CDCA8: variants seen among roughly 807,000 people sequenced by gnomAD.
The protein encoded by CDCA8 is borealin.
In CDCA8, 25 loss-of-function variants were observed where a neutral mutation model predicts 40.0. The observed-to-expected ratio is 0.63, with a 90% CI of 0.46 to 0.87. The LOEUF (loss-of-function observed/expected upper bound fraction) is 0.87, where lower values mean the gene tolerates loss of function less well. CDCA8 is among the 40% of genes least tolerant of loss of function. The pLI, the probability that CDCA8 is intolerant of heterozygous loss-of-function variation, is 0.00. For missense variants in CDCA8, 280 were observed against 348.4 expected, an observed-to-expected ratio of 0.80 and a Z score of 1.56; for synonymous variants, 111 against 126.5, an observed-to-expected ratio of 0.88 and a Z score of 0.82.
intron 7 of CDCA8, 148 bp from the exon 8 acceptor site, chr1:37,705,293 A>T: frequency 9.7e-6 from 6 of 617,590 alleles, no homozygotes; most frequent in South Asian, 6.9e-5. Context: ...GCTTTAAAAC[A>T]TTTTTTTTTT....
Position 37,708,554 on chromosome 1 carries a change from T to A in CDCA8, c.*188T>A. The A allele has an allele frequency of 3.3e-6, 2 of 598,696 alleles. No individual in the cohort carries two copies. Among genetic ancestry groups the A allele is most frequent in the South Asian group, 3.9e-5 (2 of 51,736 alleles). The allele number at this position is 598,696 out of a possible 1,614,324, so 37.1% of individuals were successfully genotyped here. The stretch of plus-strand genomic sequence containing the variant: ...GTAGAGCTGTCTGTTCACCCTCCCA[T>A]CCCAGCTGATCCCAGTCACTGCTTG... On this transcript the variant is annotated 3_prime_UTR_variant, in exon 10 of 10. Transcript: ENST00000373055.
chr1:37,706,884 C>T lies in CDCA8; in HGVS notation c.712-94C>T, dbSNP rs1199254524. On this transcript the variant is annotated intron_variant, in intron 8 of 9. Coordinates refer to ENST00000373055, the MANE Select transcript of CDCA8 (RefSeq NM_001256875.2). ...TGTCTTGCCACTTCTCCATCCCAGCCATTCCCCACCACTAAGTGCAGGATA... is the reference window on the plus strand; with the variant it reads ...TGTCTTGCCACTTCTCCATCCCAGCTATTCCCCACCACTAAGTGCAGGATA... The T allele has an allele frequency of 4.5e-6, 4 of 888,192 alleles. No individual in the cohort carries two copies. In the African/African-American group the frequency reaches 6.7e-5, roughly 15 times the overall value. 55.0% of individuals were successfully genotyped at this position (888,192 alleles called of 1,614,324 possible). A position where few individuals can be genotyped will look rare whatever the true frequency, so the allele number is the denominator to read the frequency against.
rs1645522521 is a variant in CDCA8 at position 37,695,842 on chromosome 1, A to C, written c.224-68A>C. ...AGGGCTGGACCAGTTTTAGAAAGATAAATGGTACTATTAGGCAAGATGATT... is the reference window on the plus strand; with the variant it reads ...AGGGCTGGACCAGTTTTAGAAAGATCAATGGTACTATTAGGCAAGATGATT... On this transcript the variant is annotated intron_variant, in intron 2 of 9. Transcript: ENST00000373055. The C allele has an allele frequency of 2.8e-6, 4 of 1,418,282 alleles. No homozygotes were observed. The South Asian group carries it at 3.5e-5, about 12-fold the overall frequency. The allele number at this position is 1,418,282 out of a possible 1,614,324, so 87.9% of individuals were successfully genotyped here. A position where few individuals can be genotyped will look rare whatever the true frequency, so the allele number is the denominator to read the frequency against.
intron 5 of CDCA8, among the ~76,000 whole-genome samples, chr1:37,701,022 G>C (rs1645559320): frequency 6.6e-6 from 1 of 152,212 alleles, no homozygotes; most frequent in Non-Finnish European, 1.5e-5. Flanking sequence ...GTGGCAGAGG[G>C]TGCTGGACTG....
Position 37,705,529 on chromosome 1 carries a change from A to G in CDCA8, c.673A>G (p.Lys225Glu), listed in dbSNP as rs779449327. Residue 225 changes from lysine (K) to glutamate (E), a missense_variant, in exon 8 of 10, where the codon AAA (lysine) becomes GAA (glutamate). Transcript: ENST00000373055. ...GAATGGCAGCCCTCTTGCTGACAGC[A>G]AAGAGATCTTCCTCACTGTGCCAGT... ...SGNGSPLADSKEIFLTVPVGG... is the reference protein window; with the variant it reads ...SGNGSPLADSEEIFLTVPVGG... 1.2e-6 allele frequency: 2 copies of G among 1,613,846 alleles called. No individual in the cohort carries two copies. The highest frequency in any genetic ancestry group is 8.5e-7 in the Non-Finnish European group (1 of 1,180,026).
intron 3 of CDCA8, 141 bp from the exon 4 acceptor site, chr1:37,698,764 T>G: frequency 1.7e-6 from 1 of 601,864 alleles, no homozygotes; most frequent in Non-Finnish European, 2.9e-6. Flanking sequence ...TTATGGGAGT[T>G]TGCTATATTG....
chr1:37,701,462 C>G (rs1462328491), intron 5 of CDCA8, among the ~76,000 whole-genome samples: 1 of 152,114 alleles, frequency 6.6e-6, no homozygotes, highest in East Asian at 1.9e-4. Context: ...TTCACAGCAG[C>G]CCTTTATGTA....
intron 8 of CDCA8, 115 bp downstream of exon 8, chr1:37,705,682 A>T: frequency 8.2e-7 from 1 of 1,216,206 alleles, no homozygotes; most frequent in Non-Finnish European, 1.2e-6. Context: ...GTGGGTCCTG[A>T]TCTCCACACT....
rs1645525298 is a variant in CDCA8 at position 37,696,170 on chromosome 1, C to G, written c.264+220C>G. On this transcript the variant is annotated intron_variant, in intron 3 of 9. Transcript: ENST00000373055. The surrounding 1 kb of genome is among the most constrained non-coding windows in gnomAD (Gnocchi z 5.0). ...AGTTCTGTTTTTGACCAATTTCTTG[C>G]AGTCCTTTGTTCTGAACTCTACAGC... Among the ~76,000 whole-genome samples the G allele has an allele frequency of 6.6e-6, 1 of 152,230 alleles. No individual in the cohort carries two copies.
At chr1:37,701,942 T>C (rs555203945) in intron 6 of CDCA8, 124 bp downstream of exon 6, 13 of 705,312 alleles carry the variant, frequency 1.8e-5, no homozygotes, top group Middle Eastern at 2.5e-4. Flanking sequence ...TTAAAATCAC[T>C]GAATCCTTGA....
Position 37,692,724 on chromosome 1 carries a change from A to G in CDCA8, c.34A>G (p.Lys12Glu), listed in dbSNP as rs771261679. The change falls in exon 1 of 10, where the codon AAG becomes GAG. Residue 12 changes from lysine to glutamate, a missense_variant. Physicochemically the swap from Lys to Glu is moderately conservative, Grantham distance 56. Transcript: ENST00000373055. ...TAGGAAGGGCAGTAGTCGGGTGGCCAAGACCAACTCCTTACGGAGGCGGAA... is the reference window on the plus strand; with the variant it reads ...TAGGAAGGGCAGTAGTCGGGTGGCCGAGACCAACTCCTTACGGAGGCGGAA... The part of the protein sequence containing the change: ...APRKGSSRVA[K>E]TNSLRRRKLA... The G allele has an allele frequency of 1.2e-6, 2 of 1,613,410 alleles. No homozygotes were observed. The highest frequency in any genetic ancestry group is 1.7e-6 in the Non-Finnish European group (2 of 1,179,994).
At chr1:37,703,747 TG>T (rs1645580640) in intron 7 of CDCA8, among the ~76,000 whole-genome samples, 2 of 152,210 alleles carry the variant, frequency 1.3e-5, no homozygotes, top group South Asian at 4.1e-4. Context: ...CCCGAGTCCT[TG>T]GCCTGGGATG....
At chr1:37,707,872 C>T (rs1415030910) in intron 9 of CDCA8, among the ~76,000 whole-genome samples, 5 of 152,194 alleles carry the variant, frequency 3.3e-5, no homozygotes, top group Non-Finnish European at 7.3e-5. Context: ...GTAATGGCTC[C>T]GCCAGGGATG....
chr1:37,705,989 T>G (rs1239949048), intron 8 of CDCA8, among the ~76,000 whole-genome samples: 1 of 150,888 alleles, frequency 6.6e-6, no homozygotes, highest in Non-Finnish European at 1.5e-5. Flanking sequence ...TTTGTATTTT[T>G]GGTAGAGATG....
At chr1:37,695,026 T>G (rs975697633) in intron 2 of CDCA8, among the ~76,000 whole-genome samples, 2 of 152,074 alleles carry the variant, frequency 1.3e-5, no homozygotes. Context: ...GGTGAGCAAC[T>G]AACTCTACAC....
intron 8 of CDCA8, 36 bp from the exon 9 acceptor site, chr1:37,706,942 C>T: frequency 6.4e-7 from 1 of 1,563,482 alleles, no homozygotes; most frequent in Non-Finnish European, 8.8e-7. Context: ...GCCCTAAGGG[C>T]CATGGCCAGT....
chr1:37,692,842 G>A, intron 1 of CDCA8, 58 bp downstream of exon 1: 2 of 1,612,664 alleles, frequency 1.2e-6, no homozygotes, highest in South Asian at 1.1e-5. Flanking sequence ...GGCGGGTGGG[G>A]ACACGAGCTG....
chr1:37,697,322 G>T (rs995856495), intron 3 of CDCA8, among the ~76,000 whole-genome samples: 4 of 152,292 alleles, frequency 2.6e-5, no homozygotes, highest in African/African-American at 9.6e-5. Flanking sequence ...GGAGAAAATT[G>T]CATAGGACAA....
At chr1:37,700,382 C>T (rs1016817465) in intron 4 of CDCA8, 54 bp from the exon 5 acceptor site, 2 of 1,039,952 alleles carry the variant, frequency 1.9e-6, no homozygotes, top group Middle Eastern at 2.0e-4. Context: ...AATGTGAATG[C>T]ACAAAACTTT....
Sources: allele counts gnomAD v4.1 joint callset (sites outside exome capture counted in the v4.1 genomes callset), GRCh38; gene constraint gnomAD v4.1.1; non-coding constraint Gnocchi (gnomAD v3.1); transcripts MANE v1.5; gene names NCBI Gene and HGNC (gene_info 2026-07-23, HGNC 2026-07-21).